The following ENAH variants were observed in gnomAD, a reference collection of about 807,000 sequenced individuals.
ENAH encodes protein enabled homolog.
Under a neutral mutation model 78.7 loss-of-function variants are expected in ENAH, and 23 were observed. The observed-to-expected ratio is 0.29, with a 90% CI of 0.21 to 0.41. The LOEUF is 0.41. ENAH is among the 10% of genes least tolerant of loss of function. The probability of loss-of-function intolerance (pLI) is 1.00; values close to 1 mark genes in which losing one functional copy is unlikely to be tolerated. For synonymous variants in ENAH, 226 were observed against 241.0 expected (o/e 0.94, Z 0.58); for missense variants, 544 against 691.0 (o/e 0.79, Z 2.39).
At chr1:225,650,337 C>A (rs904560354) in intron 1 of ENAH, among the ~76,000 whole-genome samples, 1 of 152,006 alleles carries the variant, frequency 6.6e-6, no homozygotes, top group Non-Finnish European at 1.5e-5. Context: ...CGTGGTTCCT[C>A]TCTCTCTACA....
intron 1 of ENAH, among the ~76,000 whole-genome samples, chr1:225,583,247 G>A (rs1197276981): frequency 6.6e-6 from 1 of 150,860 alleles, no homozygotes; most frequent in East Asian, 2.0e-4. Flanking sequence ...GACTAGCCTG[G>A]CCAACATGGT....
rs185868352 is a variant in ENAH, at chr1:225,594,146, C to G, written c.6-26732G>C. On this transcript the variant is annotated intron_variant, in intron 1 of 13. Transcript: ENST00000366843. ...CCATTCACATTGCTTCTCTGGAACA[C>G]TGCTAGATTCAAAGTTTAAGGACAA... Among the ~76,000 whole-genome samples, 1,014 of 152,294 alleles carry G rather than the reference C, an allele frequency of 6.7e-3. 14 individuals are homozygous for G. The highest frequency in any genetic ancestry group is 0.023 in the African/African-American group (955 of 41,556).
chr1:225,653,116 G>A lies in ENAH; in HGVS notation c.-426C>T, dbSNP rs992200782. On this transcript the variant is annotated 5_prime_UTR_variant, in exon 1 of 14. Coordinates refer to ENST00000366843, the MANE Select transcript of ENAH (RefSeq NM_018212.6). This position sits in a 1 kb window ranked among gnomAD's most constrained non-coding sequence, Gnocchi z 4.3. ...ACCGGCAGCTGCTGCAGCCGCGGGAGGAGAGTCGGGATCGCCGCGAGGAAC... is the reference window on the plus strand; with the variant it reads ...ACCGGCAGCTGCTGCAGCCGCGGGAAGAGAGTCGGGATCGCCGCGAGGAAC... The A allele has an allele frequency of 2.0e-5, 3 of 151,942 alleles. No homozygotes were observed. Among genetic ancestry groups the A allele is most frequent in the African/African-American group, 7.3e-5 (3 of 41,356 alleles). The allele number at this position is 151,942 out of a possible 1,614,324, so 9.4% of individuals were successfully genotyped here.
intron 1 of ENAH, among the ~76,000 whole-genome samples, chr1:225,595,370 G>C (rs998617561): frequency 6.6e-6 from 1 of 151,980 alleles, no homozygotes; most frequent in Non-Finnish European, 1.5e-5. Flanking sequence ...TACAAAAGCT[G>C]AAGTTGGTAA....
At chr1:225,535,898 AG>A (rs1471817097) in intron 3 of ENAH, among the ~76,000 whole-genome samples, 1 of 152,130 alleles carries the variant, frequency 6.6e-6, no homozygotes, top group East Asian at 1.9e-4. Context: ...AATGAAGATA[AG>A]GTAGAGGAAG....
intron 1 of ENAH, among the ~76,000 whole-genome samples, chr1:225,647,156 GC>G (rs1662133322): frequency 6.6e-6 from 1 of 152,104 alleles, no homozygotes; most frequent in Admixed American, 6.5e-5. Context: ...AACCCAGGAG[GC>G]GGAAGCTGCA....
intron 4 of ENAH, among the ~76,000 whole-genome samples, chr1:225,525,215 T>G (rs2096494865): frequency 6.6e-6 from 1 of 152,146 alleles, no homozygotes; most frequent in South Asian, 2.1e-4. Context: ...TACAAATGAT[T>G]TAATTCCTAT....
chr1:225,627,883 T>C (rs1575782037), intron 1 of ENAH, among the ~76,000 whole-genome samples: 1 of 151,640 alleles, frequency 6.6e-6, no homozygotes, highest in Non-Finnish European at 1.5e-5. Flanking sequence ...ATGTGAAACA[T>C]ACACTGTTTT....
At chr1:225,535,410 C>T in intron 3 of ENAH, 1 of 697,464 alleles carries the variant, frequency 1.4e-6, no homozygotes, top group South Asian at 1.7e-5. Flanking sequence ...CCAAATATCA[C>T]AAACCAGACT....
chr1:225,513,099 A>C (rs1469173501), intron 7 of ENAH, 83 bp from the exon 8 acceptor site: 3 of 1,215,030 alleles, frequency 2.5e-6, no homozygotes, highest in Non-Finnish European at 2.2e-6. Context: ...AAACAGAAGG[A>C]AACATCAGCA....
At chr1:225,514,952 T>A in intron 6 of ENAH, 52 bp from the exon 7 acceptor site, 1 of 1,445,010 alleles carries the variant, frequency 6.9e-7, no homozygotes, top group Non-Finnish European at 9.6e-7. Flanking sequence ...CTGAGTGATA[T>A]TATTTTATGT....
At chr1:225,578,370 GAGGC>G (rs561949888) in intron 1 of ENAH, among the ~76,000 whole-genome samples, 109 of 152,318 alleles carry the variant, frequency 7.2e-4, no homozygotes, top group African/African-American at 2.5e-3. Flanking sequence ...ACCTACTTGG[GAGGC>G]TGAGGTAGAA....
intron 1 of ENAH, among the ~76,000 whole-genome samples, chr1:225,628,433 C>A (rs1658344708): frequency 6.6e-6 from 1 of 152,030 alleles, no homozygotes; most frequent in African/African-American, 2.4e-5. Context: ...CCCTGTAAAC[C>A]ACATAAATAG....
rs567248930 is a variant in ENAH, at chr1:225,554,780, T to C, written c.349+126A>G. 11 of 790,750 alleles carry C rather than the reference T, an allele frequency of 1.4e-5. No individual in the cohort carries two copies. In the South Asian group the frequency reaches 4.7e-4, roughly 34 times the overall value. 49.0% of individuals were successfully genotyped at this position (790,750 alleles called of 1,614,324 possible). On this transcript the variant is annotated intron_variant, in intron 3 of 13. Transcript: ENST00000366843. ...AACTACTTCAAATATATACAAGATC[T>C]AAAAGTTAACAAACATTTGTTTTAA... is the stretch of plus-strand genomic sequence containing the variant.
At chr1:225,519,623 G>T (rs2096452081) in intron 4 of ENAH, 58 bp from the exon 5 acceptor site, 9 of 1,551,638 alleles carry the variant, frequency 5.8e-6, no homozygotes, top group Non-Finnish European at 7.8e-6. Flanking sequence ...TCATGAAAAA[G>T]CGATTCTTTT....
At chr1:225,527,967 T>A (rs1259810511) in intron 4 of ENAH, among the ~76,000 whole-genome samples, 2 of 152,088 alleles carry the variant, frequency 1.3e-5, no homozygotes, top group African/African-American at 4.8e-5. Context: ...ACCTGGGAAG[T>A]CTCTAAAAGG....
At chr1:225,580,721 CA>C (rs1341201519) in intron 1 of ENAH, among the ~76,000 whole-genome samples, 5 of 151,884 alleles carry the variant, frequency 3.3e-5, no homozygotes, top group Admixed American at 3.3e-4. Flanking sequence ...ACTTCGAGAA[CA>C]GCCTGGCCAA....
chr1:225,557,837 T>A lies in ENAH; in HGVS notation c.172-2754A>T, dbSNP rs561383790. Among the ~76,000 whole-genome samples, 6 of 152,158 alleles carry A rather than the reference T, an allele frequency of 3.9e-5. No individual in the cohort carries two copies. In the South Asian group the frequency reaches 1.0e-3, roughly 26 times the overall value. On this transcript the variant is annotated intron_variant, in intron 2 of 13. Transcript: ENST00000366843. ...CTCTGTCTCAAAAAATAAATAAATA[T>A]ATAAATAAATAAATGACTTTTCATG... is the stretch of plus-strand genomic sequence containing the variant.
intron 1 of ENAH, among the ~76,000 whole-genome samples, chr1:225,651,958 G>C (rs570746446): frequency 1.1e-3 from 163 of 152,260 alleles, no homozygotes; most frequent in Non-Finnish European, 1.6e-3. Flanking sequence ...TTTAGCTCCT[G>C]TTTTATTGAG....
Sources: gnomAD v4.1 joint callset for allele counts (sites outside exome capture counted in the v4.1 genomes callset) on GRCh38, gnomAD v4.1.1 for gene constraint, Gnocchi (gnomAD v3.1) non-coding constraint, MANE v1.5 for transcripts, NCBI Gene and HGNC (gene_info 2026-07-23, HGNC 2026-07-21) for gene names.